LRRC7: variants seen among roughly 807,000 people sequenced by gnomAD.
LRRC7 encodes the protein leucine rich repeat containing 7.
LRRC7 carries 23 observed loss-of-function variants against 175.7 expected under a neutral mutation model. The observed-to-expected ratio is 0.13, with a 90% CI of 0.09 to 0.19. The LOEUF (loss-of-function observed/expected upper bound fraction) is 0.19. Among genes scored for constraint, LRRC7 ranks in the 10% least tolerant of loss-of-function variants. The pLI is 1.00. For missense variants in LRRC7, 1,354 were observed against 1,904.7 expected, an observed-to-expected ratio of 0.71 and a Z score of 5.38; for synonymous variants, 685 against 680.9, an observed-to-expected ratio of 1.01 and a Z score of -0.09.
At chr1:69,864,457 G>C (rs1315138847) in intron 7 of LRRC7, among the ~76,000 whole-genome samples, 1 of 152,182 alleles carries the variant, frequency 6.6e-6, no homozygotes, top group African/African-American at 2.4e-5. Flanking sequence ...GTGTGAAAAA[G>C]CATATTGGCC....
intron 4 of LRRC7, among the ~76,000 whole-genome samples, chr1:69,810,015 A>T (rs1557758584): frequency 6.6e-6 from 1 of 152,182 alleles, no homozygotes. Context: ...TTGTATATTT[A>T]AAAAACCCCA....
intron 1 of LRRC7, among the ~76,000 whole-genome samples, chr1:69,655,420 G>A (rs558421353): frequency 2.0e-5 from 3 of 151,716 alleles, no homozygotes; most frequent in African/African-American, 4.8e-5. Context: ...TGTTGTATTC[G>A]CCACCAATAC....
intron 1 of LRRC7, among the ~76,000 whole-genome samples, chr1:69,606,071 T>A (rs1368406754): frequency 6.6e-6 from 1 of 152,208 alleles, no homozygotes; most frequent in Non-Finnish European, 1.5e-5. Flanking sequence ...TGTTTATACA[T>A]GTCTCAAACT....
At chr1:69,865,102 G>A (rs1684764062) in intron 7 of LRRC7, among the ~76,000 whole-genome samples, 1 of 152,154 alleles carries the variant, frequency 6.6e-6, no homozygotes, top group African/African-American at 2.4e-5. Context: ...GAACATCCCA[G>A]TGGAGGGGAA....
In LRRC7 at chr1:70,123,627, C is replaced by T. The variant is rs1476753608; in HGVS notation, c.*1740C>T. 1 of 152,142 alleles carries T rather than the reference C, an allele frequency of 6.6e-6. No individual in the cohort carries two copies. The allele number at this position is 152,142 out of a possible 1,614,324, so 9.4% of individuals were successfully genotyped here. A position where few individuals can be genotyped will look rare whatever the true frequency, so the allele number is the denominator to read the frequency against. The stretch of plus-strand genomic sequence containing the variant: ...TGATTTTATAGGGTTTGACAATTAG[C>T]TAATGATTAACTGATTGGCCTATTT... On this transcript the variant is annotated 3_prime_UTR_variant, in exon 27 of 27. Transcript: ENST00000651989.
intron 23 of LRRC7, among the ~76,000 whole-genome samples, chr1:70,059,474 AGTGTGTGTGT>A (rs10542055): frequency 2.0e-4 from 26 of 132,286 alleles, no homozygotes; most frequent in East Asian, 1.1e-3. Flanking sequence ...ACTAGAAGAA[AGTGTGTGTGT>A]GTGTGTGTGT....
chr1:69,663,700 A>ATTTTTTTTTTTTTTTT (rs552339451), intron 1 of LRRC7, among the ~76,000 whole-genome samples: 1 of 67,726 alleles, frequency 1.5e-5, no homozygotes, highest in Non-Finnish European at 2.5e-5. Context: ...AATCGTTTTA[A>ATTTTTTTTTTTTTTTT]TTTTTTTTTT....
chr1:69,789,786 A>G (rs996127951), intron 3 of LRRC7, among the ~76,000 whole-genome samples: 5 of 152,104 alleles, frequency 3.3e-5, no homozygotes, highest in African/African-American at 9.6e-5. Context: ...TGATACCAAC[A>G]TGGATCAGCC....
chr1:69,977,555 G>A (rs1457467978), intron 8 of LRRC7, among the ~76,000 whole-genome samples: 1 of 152,174 alleles, frequency 6.6e-6, no homozygotes, highest in Non-Finnish European at 1.5e-5. Flanking sequence ...CTGTGTGGCA[G>A]TGACAATACT....
intron 17 of LRRC7, 25 bp downstream of exon 17, chr1:70,023,399 A>G (rs1326383742): frequency 3.3e-6 from 5 of 1,532,896 alleles, no homozygotes; most frequent in Non-Finnish European, 4.4e-6. Flanking sequence ...CTGGGGTAGG[A>G]GAATCTCCCA....
At chr1:69,780,953 AATACTTTTGTATTTGTGG>A (rs1673414591) in intron 3 of LRRC7, among the ~76,000 whole-genome samples, 1 of 152,160 alleles carries the variant, frequency 6.6e-6, no homozygotes, top group African/African-American at 2.4e-5. Context: ...GCACACAACT[AATACTTTTGTATTTGTGG>A]TGAAAAACTA....
intron 1 of LRRC7, among the ~76,000 whole-genome samples, chr1:69,599,372 G>A (rs1191890181): frequency 6.6e-6 from 1 of 152,134 alleles, no homozygotes; most frequent in East Asian, 1.9e-4. Context: ...ACTTTGCACT[G>A]TAAACCTTCT....
At position 70,140,160 on chromosome 1, in the gene LRRC7, TAC is replaced by T. The variant is rs1242196564; in HGVS notation, c.*18275_*18276del. ...TTTGGAAAGGTGAAAAGAAAATTGTTACATCAGGCTGCTTTTATCAAGCTAAG... is the reference window on the plus strand; with the variant it reads ...TTTGGAAAGGTGAAAAGAAAATTGTTATCAGGCTGCTTTTATCAAGCTAAG... On this transcript the variant is annotated 3_prime_UTR_variant, in exon 27 of 27. Transcript: ENST00000651989. 3 of 152,268 alleles carry T rather than the reference TAC, an allele frequency of 2.0e-5. No individual in the cohort carries two copies. Among genetic ancestry groups the T allele is most frequent in the Non-Finnish European group, 4.4e-5 (3 of 67,996 alleles). The allele number at this position is 152,268 out of a possible 1,614,324, so 9.4% of individuals were successfully genotyped here.
intron 1 of LRRC7, among the ~76,000 whole-genome samples, chr1:69,663,553 C>A (rs926324494): frequency 2.0e-5 from 3 of 151,986 alleles, no homozygotes; most frequent in Non-Finnish European, 4.4e-5. Flanking sequence ...ATTGTACTAG[C>A]AAATATTTAA....
intron 25 of LRRC7, among the ~76,000 whole-genome samples, chr1:70,096,574 T>C (rs1002624767): frequency 1.3e-5 from 2 of 152,104 alleles, no homozygotes; most frequent in Non-Finnish European, 2.9e-5. Context: ...TGAGGTATAC[T>C]GAGTTCTCTG....
intron 26 of LRRC7, among the ~76,000 whole-genome samples, chr1:70,116,404 A>G (rs56013720): frequency 0.13 from 19,288 of 152,020 alleles, 1,663 homozygotes; most frequent in African/African-American, 0.24. Flanking sequence ...AAAATTAGCC[A>G]GGCGTGGTGG....
intron 2 of LRRC7, among the ~76,000 whole-genome samples, chr1:69,683,970 A>G (rs1660810600): frequency 6.6e-6 from 1 of 152,188 alleles, no homozygotes; most frequent in Admixed American, 6.5e-5. Flanking sequence ...AAAATGGAGA[A>G]TGAAAATCCA....
chr1:69,685,861 AT>A (rs1366722310), intron 2 of LRRC7, among the ~76,000 whole-genome samples: 2 of 152,008 alleles, frequency 1.3e-5, no homozygotes, highest in Non-Finnish European at 2.9e-5. Flanking sequence ...GTAAATCTAG[AT>A]ATTCAAGAAG....
chr1:70,066,140 C>G (rs902069424), intron 23 of LRRC7, among the ~76,000 whole-genome samples: 5 of 151,944 alleles, frequency 3.3e-5, no homozygotes, highest in African/African-American at 1.2e-4. Flanking sequence ...GACCTTCACT[C>G]TGCAGATAGG....
Sources: gnomAD v4.1 joint callset for allele counts (sites outside exome capture counted in the v4.1 genomes callset) on GRCh38, gnomAD v4.1.1 for gene constraint, MANE v1.5 for transcripts, NCBI Gene and HGNC (gene_info 2026-07-23, HGNC 2026-07-21) for gene names.